Variants in BCAR3 observed in about 807,000 individuals in gnomAD.
BCAR3 encodes the protein BCAR3 adaptor protein, NSP family member.
In BCAR3, 37 loss-of-function variants were observed where a neutral mutation model predicts 80.1. That is an observed-to-expected ratio of 0.46 (90% CI 0.36 to 0.61). The LOEUF is 0.61. Ranked by LOEUF, BCAR3 falls within the 20% of genes least tolerant of loss-of-function variation. The pLI, the probability that BCAR3 is intolerant of heterozygous loss-of-function variation, is 0.00. For synonymous variants in BCAR3, 389 were observed against 418.9 expected (o/e 0.93, Z 0.87); for missense variants, 978 against 1,068.2 (o/e 0.92, Z 1.18).
intron 3 of BCAR3, among the ~76,000 whole-genome samples, chr1:93,611,150 G>A (rs1055234309): frequency 1.3e-5 from 2 of 152,124 alleles, no homozygotes; most frequent in Admixed American, 1.3e-4. Context: ...ACTCCAATGA[G>A]ACAAGATGTG....
At chr1:93,707,568 G>A (rs1649867781) in intron 2 of BCAR3, among the ~76,000 whole-genome samples, 1 of 152,104 alleles carries the variant, frequency 6.6e-6, no homozygotes, top group African/African-American at 2.4e-5. Flanking sequence ...TTAGCCAGGT[G>A]TGGTGGCGCG....
intron 8 of BCAR3, among the ~76,000 whole-genome samples, chr1:93,572,165 A>G (rs1170413767): frequency 6.6e-6 from 1 of 152,196 alleles, no homozygotes; most frequent in East Asian, 1.9e-4. Context: ...TGTGGCTCCT[A>G]GTACCCTGTA....
chr1:93,657,498 CAT>C (rs1273628990), intron 2 of BCAR3, among the ~76,000 whole-genome samples: 5 of 152,072 alleles, frequency 3.3e-5, no homozygotes, highest in African/African-American at 4.8e-5. Flanking sequence ...GCTAATATCA[CAT>C]GAGTAGGTAT....
At chr1:93,675,506 G>A (rs1257175828) in intron 1 of BCAR3, among the ~76,000 whole-genome samples, 2 of 152,176 alleles carry the variant, frequency 1.3e-5, no homozygotes, top group African/African-American at 2.4e-5. Flanking sequence ...TAGGGTCAGG[G>A]TCAGGAGGTG....
chr1:93,584,230 A>G (rs1673849148), intron 5 of BCAR3, 109 bp from the exon 6 acceptor site: 2 of 905,838 alleles, frequency 2.2e-6, no homozygotes, highest in African/African-American at 1.7e-5. Context: ...AAAACTGCTC[A>G]GAACGAGAGT....
At chr1:93,649,805 C>G (rs1291809829) in intron 2 of BCAR3, among the ~76,000 whole-genome samples, 1 of 150,810 alleles carries the variant, frequency 6.6e-6, no homozygotes. Context: ...ATTGCTATGA[C>G]CAAACAATTT....
chr1:93,804,001 A>G (rs1379665363), intron 2 of BCAR3, among the ~76,000 whole-genome samples: 1 of 152,188 alleles, frequency 6.6e-6, no homozygotes, highest in Non-Finnish European at 1.5e-5. Flanking sequence ...CAAAGTGGCC[A>G]TAAGTACATG....
chr1:93,690,647 G>T (rs1308297653), intron 3 of BCAR3, among the ~76,000 whole-genome samples: 1 of 152,170 alleles, frequency 6.6e-6, no homozygotes, highest in East Asian at 1.9e-4. Context: ...TTGCAAGTTA[G>T]CTGTGCAATT....
chr1:93,716,082 A>C (rs1268251705), intron 2 of BCAR3, among the ~76,000 whole-genome samples: 1 of 152,190 alleles, frequency 6.6e-6, no homozygotes, highest in Non-Finnish European at 1.5e-5. Flanking sequence ...TGAGAGTGCA[A>C]GATGCCACCA....
chr1:93,777,414 T>TCCTTTTCC (rs1557685179), intron 2 of BCAR3, among the ~76,000 whole-genome samples: 2 of 113,164 alleles, frequency 1.8e-5, no homozygotes, highest in African/African-American at 8.9e-5. Flanking sequence ...CCTCCTCCTC[T>TCCTTTTCC]TCCTCCTCCT....
At chr1:93,784,869 G>A (rs6687914) in intron 2 of BCAR3, among the ~76,000 whole-genome samples, 47,877 of 152,114 alleles carry the variant, frequency 0.31, 10,866 homozygotes, top group African/African-American at 0.64. Context: ...GTGGTGTTAG[G>A]AAACTTTGAC....
At chr1:93,573,615 A>ATTGGT (rs919862286) in intron 8 of BCAR3, among the ~76,000 whole-genome samples, 1 of 129,798 alleles carries the variant, frequency 7.7e-6, no homozygotes, top group African/African-American at 3.0e-5. Flanking sequence ...TATTTTTATT[A>ATTGGT]TTATTATTAT....
chr1:93,694,990 G>C (rs145235726), intron 3 of BCAR3, among the ~76,000 whole-genome samples: 2 of 152,316 alleles, frequency 1.3e-5, no homozygotes, highest in South Asian at 2.1e-4. Flanking sequence ...CCCTGGGACT[G>C]CTCCTCCCCT....
chr1:93,734,517 G>A (rs1187196963), intron 2 of BCAR3, among the ~76,000 whole-genome samples: 1 of 152,176 alleles, frequency 6.6e-6, no homozygotes, highest in Non-Finnish European at 1.5e-5. Flanking sequence ...GTCTGAGGAG[G>A]TCAGATGGGG....
intron 2 of BCAR3, among the ~76,000 whole-genome samples, chr1:93,830,950 C>T (rs1440739158): frequency 2.0e-5 from 3 of 151,428 alleles, no homozygotes; most frequent in Non-Finnish European, 4.4e-5. Context: ...CTCCCTTTCT[C>T]GCTACCCTTC....
intron 11 of BCAR3, 114 bp from the exon 12 acceptor site, chr1:93,562,533 G>GC (rs1270133764): frequency 1.2e-6 from 1 of 837,016 alleles, no homozygotes; most frequent in Non-Finnish European, 1.8e-6. Context: ...ACTTTGGGAG[G>GC]CCGAGGTGGG....
chr1:93,613,878 A>G, intron 3 of BCAR3: 1 of 1,550,598 alleles, frequency 6.4e-7, no homozygotes, highest in Non-Finnish European at 8.7e-7. Flanking sequence ...GCGGTGATAG[A>G]AGCAGCACAG....
intron 3 of BCAR3, among the ~76,000 whole-genome samples, chr1:93,616,770 C>A (rs1369359152): frequency 1.3e-5 from 2 of 152,118 alleles, no homozygotes; most frequent in African/African-American, 4.8e-5. Context: ...TAGGGGAGGG[C>A]ATTTCTAAGG....
At chr1:93,760,822 T>C (rs535592251) in intron 2 of BCAR3, among the ~76,000 whole-genome samples, 18 of 152,204 alleles carry the variant, frequency 1.2e-4, no homozygotes, top group African/African-American at 4.3e-4. Flanking sequence ...GGCCAGGCCT[T>C]GGTCAGGAGT....
Sources: allele counts gnomAD v4.1 joint callset (sites outside exome capture counted in the v4.1 genomes callset), GRCh38; gene constraint gnomAD v4.1.1; transcripts MANE v1.5; gene names NCBI Gene and HGNC (gene_info 2026-07-23, HGNC 2026-07-21).